BTBD9: variants seen among roughly 807,000 people sequenced by gnomAD.
The protein encoded by BTBD9 is BTB domain containing 9, also known as BTB/POZ domain-containing protein 9.
A neutral mutation model predicts 64.3 loss-of-function variants in BTBD9; 49 were observed. The observed-to-expected ratio is 0.76, with a 90% CI of 0.61 to 0.97. The LOEUF (loss-of-function observed/expected upper bound fraction) is 0.97. BTBD9 is among the 50% of genes least tolerant of loss of function. The pLI, the probability that BTBD9 is intolerant of heterozygous loss-of-function variation, is 0.00. For synonymous variants in BTBD9, 260 were observed against 274.7 expected, an observed-to-expected ratio of 0.95 and a Z score of 0.53; for missense variants, 598 against 762.1, an observed-to-expected ratio of 0.78 and a Z score of 2.53.
At chr6:38,472,863 GA>G (rs1231492929) in intron 6 of BTBD9, among the ~76,000 whole-genome samples, 12 of 152,230 alleles carry the variant, frequency 7.9e-5, no homozygotes, top group African/African-American at 2.6e-4. Flanking sequence ...TTTCTTGGGG[GA>G]AAATCAGCTT....
Position 38,213,393 on chromosome 6 carries a change from AT to A in BTBD9, c.1563-20797del, listed in dbSNP as rs200259773. On this transcript the variant is annotated intron_variant, in intron 9 of 10. Coordinates refer to ENST00000481247, the MANE Select transcript of BTBD9 (RefSeq NM_001099272.2). ...AAAAATCTCTGGAGTAAAAAAAAAA[AT>A]GTTTTCCTATGATGAAAACCATTGC... 9.2e-3 allele frequency among the ~76,000 whole-genome samples: 1,398 copies of A among 152,298 alleles called. 14 individuals are homozygous for A. The highest frequency in any genetic ancestry group is 0.031 in the Middle Eastern group (9 of 294).
rs775124758 is a variant in BTBD9 at position 38,256,527 on chromosome 6, G to T, written c.1455-11C>A. 1.3e-6 allele frequency: 2 copies of T among 1,579,932 alleles called. No individual in the cohort carries two copies. The highest frequency in any genetic ancestry group is 3.4e-5 in the Admixed American group (2 of 59,678). On this transcript the variant is annotated splice_polypyrimidine_tract_variant and intron_variant, in intron 8 of 10. Transcript: ENST00000481247. ...TCCCAAAGTAGTAACCTGAACAAAG[G>T]GAAAAACATAAGATTGCTGTAAATG... is the stretch of plus-strand genomic sequence containing the variant.
At chr6:38,604,189 A>G (rs116437343) in intron 1 of BTBD9, among the ~76,000 whole-genome samples, 2,204 of 152,326 alleles carry the variant, frequency 0.014, 19 homozygotes, top group Non-Finnish European at 0.021. Context: ...TGGAGTTCAC[A>G]TGACAGGATT....
chr6:38,175,036 T>C lies in BTBD9; in HGVS notation c.1788A>G (p.Leu596=), dbSNP rs1581992527. 1.2e-6 allele frequency: 2 copies of C among 1,613,872 alleles called. No individual in the cohort carries two copies. Among genetic ancestry groups the C allele is most frequent in the Non-Finnish European group, 1.7e-6 (2 of 1,180,018 alleles). The change falls in exon 11 of 11, where the codon CTA becomes CTG. Residue 596 remains leucine, a synonymous_variant. Transcript: ENST00000481247. ...GTGAGTTGGAGCCTGGGCTGGAGGG[T>C]AGTGAGCTGCCACTAGGCGCCCGCA... ...HALRAPSGSS[L]PSSPGSNSRS...
intron 7 of BTBD9, among the ~76,000 whole-genome samples, chr6:38,318,649 A>G (rs1331472261): frequency 6.6e-6 from 1 of 152,164 alleles, no homozygotes; most frequent in Non-Finnish European, 1.5e-5. Flanking sequence ...TCTCTGCTTC[A>G]TGCTGGGGGA....
At position 38,556,742 on chromosome 6, in the gene BTBD9, C is replaced by T. The variant is rs1025794981; in HGVS notation, c.1154+20858G>A. 7.3e-5 allele frequency among the ~76,000 whole-genome samples: 11 copies of T among 151,656 alleles called. No individual in the cohort carries two copies. In the East Asian group the frequency reaches 7.8e-4, roughly 11 times the overall value. ...GTGTTTAAAAAGACCTTCGGCCGGG[C>T]GCGGTGGATCATGCCTGTAATCCCA... On this transcript the variant is annotated intron_variant, in intron 6 of 10. Transcript: ENST00000481247.
chr6:38,193,568 C>A (rs1762171817), intron 9 of BTBD9, among the ~76,000 whole-genome samples: 1 of 152,162 alleles, frequency 6.6e-6, no homozygotes. Flanking sequence ...CTGAGCAGAT[C>A]CTGAGAGGAG....
chr6:38,518,148 T>C (rs564241154), intron 6 of BTBD9, among the ~76,000 whole-genome samples: 3 of 152,212 alleles, frequency 2.0e-5, no homozygotes, highest in African/African-American at 7.2e-5. Context: ...TAATTACATA[T>C]AGAATTTCTT....
chr6:38,582,488 T>G (rs1286664466), intron 4 of BTBD9, among the ~76,000 whole-genome samples: 2 of 152,184 alleles, frequency 1.3e-5, no homozygotes, highest in Admixed American at 6.5e-5. Flanking sequence ...AGCCAGGAAG[T>G]AGCAGAGCTG....
At chr6:38,570,092 C>T (rs1775693541) in intron 6 of BTBD9, among the ~76,000 whole-genome samples, 1 of 152,158 alleles carries the variant, frequency 6.6e-6, no homozygotes, top group Non-Finnish European at 1.5e-5. Context: ...TAAAGGATTG[C>T]TGCACTCCCT....
At chr6:38,185,727 T>G (rs1336929103) in intron 10 of BTBD9, among the ~76,000 whole-genome samples, 1 of 152,234 alleles carries the variant, frequency 6.6e-6, no homozygotes, top group African/African-American at 2.4e-5. Flanking sequence ...CCCCTTGCTT[T>G]CTTTTTCTTA....
intron 6 of BTBD9, among the ~76,000 whole-genome samples, chr6:38,421,837 GAAAGA>G (rs1166360057): frequency 6.7e-6 from 1 of 149,900 alleles, no homozygotes; most frequent in East Asian, 1.9e-4. Context: ...AAGAAATAAA[GAAAGA>G]AAAGTAAATG....
chr6:38,568,462 T>C (rs553715769), intron 6 of BTBD9, among the ~76,000 whole-genome samples: 1 of 152,216 alleles, frequency 6.6e-6, no homozygotes, highest in Non-Finnish European at 1.5e-5. Context: ...CTGGGTTCCA[T>C]TCCCAGTTCC....
chr6:38,297,355 G>C (rs1762195863), intron 7 of BTBD9, among the ~76,000 whole-genome samples: 1 of 152,024 alleles, frequency 6.6e-6, no homozygotes, highest in African/African-American at 2.4e-5. Flanking sequence ...AACAGAGTGA[G>C]ACTGACTTGA....
At chr6:38,325,860 C>T (rs1763406504) in intron 7 of BTBD9, among the ~76,000 whole-genome samples, 4 of 152,334 alleles carry the variant, frequency 2.6e-5, no homozygotes, top group African/African-American at 9.6e-5. Flanking sequence ...GAATGCAACA[C>T]ATCATTCCAC....
At chr6:38,507,634 T>G (rs189003474) in intron 6 of BTBD9, among the ~76,000 whole-genome samples, 1 of 152,164 alleles carries the variant, frequency 6.6e-6, no homozygotes, top group Non-Finnish European at 1.5e-5. Flanking sequence ...TTGCCTTAAA[T>G]GACAATTCAC....
intron 7 of BTBD9, among the ~76,000 whole-genome samples, chr6:38,322,241 G>T (rs1562022160): frequency 6.6e-6 from 1 of 151,984 alleles, no homozygotes; most frequent in Non-Finnish European, 1.5e-5. Context: ...TCTTCCTGGG[G>T]AGGATTGCAT....
chr6:38,423,950 G>A, intron 6 of BTBD9, among the ~76,000 whole-genome samples: 1 of 151,958 alleles, frequency 6.6e-6, no homozygotes. Context: ...CCATGGGCAA[G>A]TTACTTGACC....
In BTBD9 at chr6:38,495,054, C is replaced by T. The variant is rs138009455; in HGVS notation, c.1154+82546G>A. ...AGCTATTTTTTCCCTTTTCTGCCTA[C>T]CCAAAGAATAGAAAAGTTTAAGCAT... On this transcript the variant is annotated intron_variant, in intron 6 of 10. Transcript: ENST00000481247. Among the ~76,000 whole-genome samples, 92 of 152,258 alleles carry T rather than the reference C, an allele frequency of 6.0e-4. 1 individual carries two copies. In the East Asian group the frequency reaches 0.015, roughly 26 times the overall value.
Sources: allele counts gnomAD v4.1 joint callset (sites outside exome capture counted in the v4.1 genomes callset), GRCh38; gene constraint gnomAD v4.1.1; transcripts MANE v1.5; gene names NCBI Gene and HGNC (gene_info 2026-07-23, HGNC 2026-07-21).